Variants in MCF2L2 observed in about 807,000 individuals in gnomAD.
MCF2L2 encodes the protein probable guanine nucleotide exchange factor MCF2L2.
MCF2L2 carries 102 observed loss-of-function variants against 150.2 expected under a neutral mutation model. That is an observed-to-expected ratio of 0.68 (90% CI 0.58 to 0.80). The LOEUF is 0.80. Ranked by LOEUF, MCF2L2 falls within the 30% of genes least tolerant of loss-of-function variation. The pLI is 0.00. For missense variants in MCF2L2, 1,256 were observed against 1,372.8 expected (o/e 0.91, Z 1.34); for synonymous variants, 465 against 491.3 (o/e 0.95, Z 0.71).
At chr3:183,301,369 G>C (rs1205755926) in intron 10 of MCF2L2, among the ~76,000 whole-genome samples, 3 of 152,258 alleles carry the variant, frequency 2.0e-5, no homozygotes, top group Non-Finnish European at 4.4e-5. Context: ...CTTAGACAGT[G>C]ATGAGTATGT....
At chr3:183,324,068 C>T (rs1260277358) in intron 5 of MCF2L2, among the ~76,000 whole-genome samples, 1 of 152,172 alleles carries the variant, frequency 6.6e-6, no homozygotes, top group African/African-American at 2.4e-5. Flanking sequence ...CCAATCAAAG[C>T]TGGTCGGGTA....
intron 1 of MCF2L2, among the ~76,000 whole-genome samples, chr3:183,424,443 T>C (rs1029937999): frequency 6.6e-5 from 10 of 152,226 alleles, no homozygotes; most frequent in Non-Finnish European, 1.5e-5. Flanking sequence ...AAAAACTGCC[T>C]GGTACTCAAT....
intron 3 of MCF2L2, among the ~76,000 whole-genome samples, chr3:183,360,359 G>A (rs1712059720): frequency 6.6e-6 from 1 of 152,122 alleles, no homozygotes; most frequent in Admixed American, 6.6e-5. Flanking sequence ...CTTGAGCCCA[G>A]GAGTTCATGA....
intron 3 of MCF2L2, among the ~76,000 whole-genome samples, chr3:183,366,358 C>T (rs949372398): frequency 3.9e-5 from 6 of 151,954 alleles, no homozygotes; most frequent in Non-Finnish European, 8.8e-5. Context: ...ATTTATTTAC[C>T]GGCTGGGCGC....
rs748443007 is a variant in MCF2L2 at position 183,300,074 on chromosome 3, G to A, written c.1236C>T (p.Phe412=). The A allele has an allele frequency of 3.7e-6, 6 of 1,613,554 alleles. No individual in the cohort carries two copies. In the African/African-American group the frequency reaches 8.0e-5, roughly 22 times the overall value. The change falls in exon 11 of 30, where the codon TTC becomes TTT. Residue 412 remains phenylalanine, a synonymous_variant. Transcript: ENST00000328913. The part of the protein sequence containing the change: ...CVELRHLCDD[F]INGNKKKWDI... ...CCCATTTTTTCTTGTTTCCATTGAT[G>A]AAATCGTCACAGAGGTGCCTGAGCT...
chr3:183,403,206 A>C (rs1274579575), intron 1 of MCF2L2, among the ~76,000 whole-genome samples: 1 of 152,204 alleles, frequency 6.6e-6, no homozygotes, highest in Non-Finnish European at 1.5e-5. Flanking sequence ...CAGGAGGCAG[A>C]GGTTGCAGTG....
intron 3 of MCF2L2, among the ~76,000 whole-genome samples, chr3:183,353,618 C>T (rs1329283312): frequency 6.6e-6 from 1 of 152,010 alleles, no homozygotes; most frequent in Admixed American, 6.6e-5. Flanking sequence ...GGAGGAGGTG[C>T]CACACAATTT....
intron 1 of MCF2L2, among the ~76,000 whole-genome samples, chr3:183,391,485 T>C (rs944855234): frequency 6.6e-6 from 1 of 152,224 alleles, no homozygotes; most frequent in African/African-American, 2.4e-5. Context: ...GGTAGTCACA[T>C]TTTATAAAAA....
intron 5 of MCF2L2, among the ~76,000 whole-genome samples, chr3:183,335,896 G>A (rs1485402790): frequency 6.6e-6 from 1 of 152,112 alleles, no homozygotes; most frequent in African/African-American, 2.4e-5. Flanking sequence ...AAGGGCTTGA[G>A]GGAGTGAGTT....
chr3:183,233,878 C>T (rs906285176), intron 15 of MCF2L2, among the ~76,000 whole-genome samples: 1 of 152,118 alleles, frequency 6.6e-6, no homozygotes, highest in African/African-American at 2.4e-5. Flanking sequence ...ATACAATTCA[C>T]ATATTTTACA....
At chr3:183,257,297 C>T (rs1436302582) in intron 15 of MCF2L2, among the ~76,000 whole-genome samples, 4 of 152,146 alleles carry the variant, frequency 2.6e-5, no homozygotes, top group Non-Finnish European at 4.4e-5. Context: ...TAAACACTCT[C>T]GGCTTTTTTA....
At chr3:183,196,560 A>G (rs973747768) in intron 25 of MCF2L2, among the ~76,000 whole-genome samples, 6 of 152,176 alleles carry the variant, frequency 3.9e-5, no homozygotes, top group African/African-American at 1.2e-4. Flanking sequence ...TTCCTGGTTC[A>G]GCCCAGGGCC....
At position 183,307,044 on chromosome 3, in the gene MCF2L2, A is replaced by G. The variant is rs571660302; in HGVS notation, c.1113+2672T>C. On this transcript the variant is annotated intron_variant, in intron 10 of 29. Coordinates refer to ENST00000328913, the MANE Select transcript of MCF2L2 (RefSeq NM_015078.4). Reference sequence around the variant, plus strand: ...CATTCAAAAGACTGCTAAACCCTCAAACGAGAACAAGATAAAGAACAGGCT... The same window carrying G: ...CATTCAAAAGACTGCTAAACCCTCAGACGAGAACAAGATAAAGAACAGGCT... Among the ~76,000 whole-genome samples the G allele has an allele frequency of 2.0e-5, 3 of 152,342 alleles. No individual in the cohort carries two copies. In the South Asian group the frequency reaches 6.2e-4, roughly 32 times the overall value.
intron 15 of MCF2L2, among the ~76,000 whole-genome samples, chr3:183,238,084 G>A (rs541094159): frequency 1.3e-4 from 20 of 151,068 alleles, no homozygotes; most frequent in South Asian, 8.4e-4. Flanking sequence ...TATAATTTCT[G>A]TTCTTTTACA....
At chr3:183,230,893 A>C in intron 16 of MCF2L2, 58 bp downstream of exon 16, 1 of 1,362,890 alleles carries the variant, frequency 7.3e-7, no homozygotes, top group South Asian at 1.2e-5. Flanking sequence ...CTCTTTGTAC[A>C]ACAAAACATC....
intron 17 of MCF2L2, among the ~76,000 whole-genome samples, chr3:183,228,775 C>T (rs1723443742): frequency 6.6e-6 from 1 of 152,184 alleles, no homozygotes; most frequent in Non-Finnish European, 1.5e-5. Flanking sequence ...CTGATGCTCT[C>T]TCTTACATGA....
chr3:183,222,857 G>A (rs772458392), intron 20 of MCF2L2, among the ~76,000 whole-genome samples: 6 of 150,890 alleles, frequency 4.0e-5, no homozygotes, highest in Non-Finnish European at 7.4e-5. Context: ...GTAAAGGTCA[G>A]AGAGAGAGAG....
chr3:183,259,717 C>A (rs2108413132), intron 15 of MCF2L2, among the ~76,000 whole-genome samples: 1 of 152,212 alleles, frequency 6.6e-6, no homozygotes, highest in Middle Eastern at 3.4e-3. Context: ...CTTTTTGTCA[C>A]CCTCCTGCGA....
chr3:183,294,633 A>AT (rs754395602), intron 13 of MCF2L2, among the ~76,000 whole-genome samples: 3,800 of 129,836 alleles, frequency 0.029, 197 homozygotes, highest in African/African-American at 0.094. Context: ...ATATATATAT[A>AT]TTTTTTTTTT....
Sources: allele counts gnomAD v4.1 joint callset (sites outside exome capture counted in the v4.1 genomes callset), GRCh38; gene constraint gnomAD v4.1.1; transcripts MANE v1.5; gene names NCBI Gene and HGNC (gene_info 2026-07-23, HGNC 2026-07-21).